Variants in COL4A2 observed in about 807,000 individuals in gnomAD.
COL4A2 encodes collagen alpha-2(IV) chain.
A neutral mutation model predicts 200.2 loss-of-function variants in COL4A2; 99 were observed. The ratio of observed to expected loss-of-function variants is 0.49; its 90% CI spans 0.42 to 0.58. The LOEUF is 0.58. Ranked by LOEUF, COL4A2 falls within the 20% of genes least tolerant of loss-of-function variation. The probability of loss-of-function intolerance (pLI) is 0.00; values close to 1 mark genes in which losing one functional copy is unlikely to be tolerated. For missense variants in COL4A2, 1,950 were observed against 2,314.1 expected, an observed-to-expected ratio of 0.84 and a Z score of 3.23; for synonymous variants, 897 against 900.6, an observed-to-expected ratio of 1.00 and a Z score of 0.07.
intron 26 of COL4A2, among the ~76,000 whole-genome samples, chr13:110,466,464 CTG>C (rs1238378910): frequency 6.6e-6 from 1 of 152,186 alleles, no homozygotes; most frequent in African/African-American, 2.4e-5. Flanking sequence ...CCAAGAGTGA[CTG>C]TTCTTGCAAG....
intron 40 of COL4A2, among the ~76,000 whole-genome samples, chr13:110,499,674 G>A (rs954015412): frequency 1.3e-5 from 2 of 152,216 alleles, no homozygotes; most frequent in Admixed American, 1.3e-4. Context: ...ACCCCTGTTA[G>A]TGAGACTCTT....
At chr13:110,334,267 T>A (rs1876066566) in intron 3 of COL4A2, among the ~76,000 whole-genome samples, 1 of 152,244 alleles carries the variant, frequency 6.6e-6, no homozygotes, top group Non-Finnish European at 1.5e-5. Context: ...TTTGGAACTC[T>A]GCTTGGTTTG....
chr13:110,379,616 G>A (rs920341444), intron 4 of COL4A2, among the ~76,000 whole-genome samples: 5 of 152,158 alleles, frequency 3.3e-5, no homozygotes, highest in African/African-American at 4.8e-5. Context: ...CGTGTCAGGC[G>A]GGTGCACAGA....
At chr13:110,472,218 C>T (rs558889639) in intron 28 of COL4A2, among the ~76,000 whole-genome samples, 1 of 151,730 alleles carries the variant, frequency 6.6e-6, no homozygotes, top group Non-Finnish European at 1.5e-5. Context: ...CGGGTTCACG[C>T]CATTCTCCCG....
intron 3 of COL4A2, among the ~76,000 whole-genome samples, chr13:110,310,691 C>T (rs1884952278): frequency 6.6e-6 from 1 of 152,034 alleles, no homozygotes. Context: ...CTGCGTAGGT[C>T]AGTTCAGGAA....
intron 28 of COL4A2, among the ~76,000 whole-genome samples, chr13:110,470,220 A>C (rs1007533176): frequency 6.6e-6 from 1 of 152,174 alleles, no homozygotes; most frequent in Non-Finnish European, 1.5e-5. Flanking sequence ...CAGGCCGCAC[A>C]CATCTTCAAT....
chr13:110,336,991 A>G (rs1461644152), intron 3 of COL4A2, among the ~76,000 whole-genome samples: 1 of 152,242 alleles, frequency 6.6e-6, no homozygotes, highest in East Asian at 1.9e-4. Context: ...AGAAGTTCCC[A>G]AATGTTGCTC....
At chr13:110,386,781 G>C (rs955827525) in intron 4 of COL4A2, among the ~76,000 whole-genome samples, 1 of 152,194 alleles carries the variant, frequency 6.6e-6, no homozygotes, top group African/African-American at 2.4e-5. Context: ...AGAAGACCAT[G>C]ATGTGGGACA....
chr13:110,480,104 T>C (rs1161917763), intron 30 of COL4A2, 116 bp from the exon 31 acceptor site: 10 of 1,177,138 alleles, frequency 8.5e-6, no homozygotes, highest in South Asian at 5.0e-5. Flanking sequence ...ATGGTGGTTT[T>C]CCACTTTCCT....
chr13:110,307,390 A>C lies in COL4A2; in HGVS notation c.-183A>C. 1 of 222,626 alleles carries C rather than the reference A, an allele frequency of 4.5e-6. No individual in the cohort carries two copies. Among genetic ancestry groups the C allele is most frequent in the Non-Finnish European group, 8.7e-6 (1 of 114,738 alleles). The allele number at this position is 222,626 out of a possible 1,614,324, so 13.8% of individuals were successfully genotyped here. ...GCGCGTTCGCGGATCCAGGCCGAGG[A>C]CCGAAAGGGGCCGCCCGAGCCCCCG... is the stretch of plus-strand genomic sequence containing the variant. On this transcript the variant is annotated 5_prime_UTR_variant, in exon 1 of 48. Transcript: ENST00000360467. This position sits in a 1 kb window ranked among gnomAD's most constrained non-coding sequence, Gnocchi z 5.0.
intron 26 of COL4A2, among the ~76,000 whole-genome samples, 163 bp downstream of exon 26, chr13:110,466,225 G>T (rs1315090225): frequency 1.3e-5 from 2 of 152,232 alleles, no homozygotes; most frequent in East Asian, 3.8e-4. Flanking sequence ...ACTATACATT[G>T]CATGAATGAC....
rs375908715 is a variant in COL4A2, at chr13:110,349,028, T to C, written c.100-8444T>C. Among the ~76,000 whole-genome samples the C allele has an allele frequency of 1.1e-4, 16 of 152,344 alleles. No individual in the cohort carries two copies. The South Asian group carries it at 2.7e-3, about 26-fold the overall frequency. Reference sequence around the variant, plus strand: ...TTGAGAACAATGACCAGCATTTTTTTTCATTCGTCTACATGGCATCCACTT... The same window carrying C: ...TTGAGAACAATGACCAGCATTTTTTCTCATTCGTCTACATGGCATCCACTT... On this transcript the variant is annotated intron_variant, in intron 3 of 47. Transcript: ENST00000360467.
At chr13:110,453,370 G>A (rs1881614268) in intron 20 of COL4A2, among the ~76,000 whole-genome samples, 1 of 152,014 alleles carries the variant, frequency 6.6e-6, no homozygotes, top group African/African-American at 2.4e-5. Context: ...GTGCGGTGGT[G>A]CATGCCTGTA....
intron 3 of COL4A2, among the ~76,000 whole-genome samples, chr13:110,356,543 C>T (rs1426409886): frequency 6.6e-6 from 1 of 152,190 alleles, no homozygotes; most frequent in Non-Finnish European, 1.5e-5. Flanking sequence ...TCCGTGGTGG[C>T]CCACTCCTGC....
In COL4A2 at chr13:110,512,003, C is replaced by T. The variant is rs569071842; in HGVS notation, c.4951C>T (p.Arg1651Cys). The change falls in exon 48 of 48, where the codon CGC (arginine) becomes TGC (cysteine). Residue 1651 changes from arginine to cysteine, a missense_variant. Arg to Cys is a radical substitution (Grantham distance 180). Transcript: ENST00000360467. ...ACCGGGCAGCTGTCTAGAGGACTTC[C>T]GCGCCACACCATTCATCGAATGCAA... is the stretch of plus-strand genomic sequence containing the variant. Reference protein sequence around the residue: ...VSPGSCLEDFRATPFIECNGG... With the variant: ...VSPGSCLEDFCATPFIECNGG... The T allele has an allele frequency of 1.8e-5, 29 of 1,613,592 alleles. No homozygotes were observed. The highest frequency in any genetic ancestry group is 8.9e-5 in the East Asian group (4 of 44,886).
chr13:110,308,428 A>G (rs1042761823), intron 3 of COL4A2, among the ~76,000 whole-genome samples: 2 of 152,164 alleles, frequency 1.3e-5, no homozygotes, highest in African/African-American at 2.4e-5. Flanking sequence ...CTGCAGCCGT[A>G]GAGGCCAGGA....
chr13:110,382,964 A>T (rs116684356), intron 4 of COL4A2, among the ~76,000 whole-genome samples: 2,318 of 152,318 alleles, frequency 0.015, 53 homozygotes, highest in African/African-American at 0.051. Context: ...TGGCCATTTC[A>T]TTATGAGTTA....
intron 7 of COL4A2, chr13:110,429,428 C>T (rs1880592326): frequency 6.4e-6 from 1 of 157,232 alleles, no homozygotes; most frequent in Non-Finnish European, 1.4e-5. Flanking sequence ...TACACATGCA[C>T]ATATGTATTA....
At chr13:110,498,643 A>G (rs896188701) in intron 40 of COL4A2, among the ~76,000 whole-genome samples, 6 of 152,370 alleles carry the variant, frequency 3.9e-5, no homozygotes, top group Non-Finnish European at 8.8e-5. Flanking sequence ...TTAATACCTC[A>G]GCAAAATGCT....
Sources: allele counts gnomAD v4.1 joint callset (sites outside exome capture counted in the v4.1 genomes callset), GRCh38; gene constraint gnomAD v4.1.1; non-coding constraint Gnocchi (gnomAD v3.1); transcripts MANE v1.5; gene names NCBI Gene and HGNC (gene_info 2026-07-23, HGNC 2026-07-21).